The following NXPE2 variants were observed in gnomAD, a reference collection of about 807,000 sequenced individuals.
The protein encoded by NXPE2 is NXPE family member 2.
Under a neutral mutation model 34.4 loss-of-function variants are expected in NXPE2, and 34 were observed. That is an observed-to-expected ratio of 0.99 (90% CI 0.75 to 1.31). The LOEUF is 1.31. Ranked by LOEUF, NXPE2 falls within the 40% of genes most tolerant of loss-of-function variation. The pLI, the probability that NXPE2 is intolerant of heterozygous loss-of-function variation, is 0.00. For synonymous variants in NXPE2, 235 were observed against 231.3 expected (o/e 1.02, Z -0.15); for missense variants, 649 against 672.5 (o/e 0.97, Z 0.39).
At chr11:114,806,544 C>T in the NXPE2 span, among the ~76,000 whole-genome samples, 4 of 152,188 alleles carry the variant, frequency 2.6e-5, no homozygotes, top group African/African-American at 9.6e-5. Context: ...AGCTACATGA[C>T]GAATGCAGAA....
At chr11:114,586,079 A>G in the NXPE2 span, among the ~76,000 whole-genome samples, 11 of 152,170 alleles carry the variant, frequency 7.2e-5, no homozygotes, top group African/African-American at 2.4e-4. Context: ...TGCAAATGTT[A>G]CACCTGGGGT....
chr11:114,767,676 C>T, the NXPE2 span, among the ~76,000 whole-genome samples: 2 of 152,130 alleles, frequency 1.3e-5, no homozygotes, highest in Non-Finnish European at 2.9e-5. Flanking sequence ...AGGATTATGA[C>T]TTGTCCTGTC....
At chr11:114,791,289 G>A in the NXPE2 span, among the ~76,000 whole-genome samples, 1 of 152,132 alleles carries the variant, frequency 6.6e-6, no homozygotes, top group Admixed American at 6.5e-5. Flanking sequence ...TGGTGGTTGT[G>A]GAAGATAAAG....
the NXPE2 span, among the ~76,000 whole-genome samples, chr11:114,641,332 C>T: frequency 1.3e-5 from 2 of 151,930 alleles, no homozygotes; most frequent in Non-Finnish European, 1.5e-5. Flanking sequence ...AGAAGCAATA[C>T]GTTATTTTCA....
chr11:114,752,593 G>A, the NXPE2 span, among the ~76,000 whole-genome samples: 1 of 152,104 alleles, frequency 6.6e-6, no homozygotes, highest in Non-Finnish European at 1.5e-5. Flanking sequence ...AGGGCAGTCA[G>A]GTTCAGGATC....
chr11:114,620,557 C>A, the NXPE2 span, among the ~76,000 whole-genome samples: 1 of 151,900 alleles, frequency 6.6e-6, no homozygotes, highest in East Asian at 1.9e-4. Context: ...TCTAGGGTAA[C>A]CACTGTTACG....
chr11:114,632,350 A>T, the NXPE2 span, among the ~76,000 whole-genome samples: 588 of 134,890 alleles, frequency 4.4e-3, 3 homozygotes, highest in African/African-American at 0.015. Context: ...AATATATAAT[A>T]TATAAATATT....
the NXPE2 span, among the ~76,000 whole-genome samples, chr11:114,810,073 A>G: frequency 2.0e-5 from 3 of 150,216 alleles, no homozygotes; most frequent in African/African-American, 7.3e-5. Context: ...CAAACCTGAC[A>G]AAAACAAGCA....
At chr11:114,586,952 C>T in the NXPE2 span, among the ~76,000 whole-genome samples, 2 of 152,122 alleles carry the variant, frequency 1.3e-5, no homozygotes, top group East Asian at 3.9e-4. Context: ...AGAGGTCCTC[C>T]TTCCCTCCCC....
At chr11:114,725,871 C>T in the NXPE2 span, among the ~76,000 whole-genome samples, 6 of 151,008 alleles carry the variant, frequency 4.0e-5, no homozygotes, top group Admixed American at 6.6e-5. Flanking sequence ...AACTTTATTC[C>T]CCAGTTAAGT....
the NXPE2 span, among the ~76,000 whole-genome samples, chr11:114,740,659 G>A: frequency 2.6e-5 from 4 of 152,086 alleles, no homozygotes; most frequent in African/African-American, 9.7e-5. Context: ...TGAATCAAAT[G>A]TTTTGCATAT....
chr11:114,697,574 C>T (rs1356311507), intron 2 of NXPE2, among the ~76,000 whole-genome samples: 4 of 152,174 alleles, frequency 2.6e-5, no homozygotes, highest in Non-Finnish European at 5.9e-5. Context: ...AAGTAGAGAA[C>T]ACAACCCTTC....
At chr11:114,572,714 T>C in the NXPE2 span, among the ~76,000 whole-genome samples, 1,419 of 152,050 alleles carry the variant, frequency 9.3e-3, 13 homozygotes, top group Non-Finnish European at 0.016. Flanking sequence ...TTTGGGAGTA[T>C]GCTAAATGCC....
chr11:114,783,955 T>G, the NXPE2 span, among the ~76,000 whole-genome samples: 2 of 152,222 alleles, frequency 1.3e-5, no homozygotes, highest in Admixed American at 6.5e-5. Flanking sequence ...TTGATCTTTA[T>G]CTAGCTAGTT....
chr11:114,786,295 G>T, the NXPE2 span, among the ~76,000 whole-genome samples: 25 of 151,704 alleles, frequency 1.6e-4, no homozygotes, highest in African/African-American at 5.5e-4. Flanking sequence ...GGAAACTGAG[G>T]ATTAGAGAGG....
At chr11:114,491,064 A>G in the NXPE2 span, among the ~76,000 whole-genome samples, 1 of 147,492 alleles carries the variant, frequency 6.8e-6, no homozygotes, top group Non-Finnish European at 1.5e-5. Context: ...TGGGAGGCTG[A>G]GACAGGAGAA....
the NXPE2 span, among the ~76,000 whole-genome samples, chr11:114,600,640 A>T: frequency 2.6e-5 from 4 of 152,126 alleles, no homozygotes; most frequent in Non-Finnish European, 5.9e-5. Context: ...AGACATGATG[A>T]CTAAATGCAA....
At chr11:114,702,494 G>A (rs1630838) in intron 3 of NXPE2, among the ~76,000 whole-genome samples, 62,117 of 151,828 alleles carry the variant, frequency 0.41, 13,198 homozygotes, top group South Asian at 0.49. Flanking sequence ...TAGGTCTGAT[G>A]GGATCCTCAG....
At chr11:114,615,055 G>T in the NXPE2 span, among the ~76,000 whole-genome samples, 3 of 151,874 alleles carry the variant, frequency 2.0e-5, no homozygotes, top group Non-Finnish European at 4.4e-5. Flanking sequence ...AATAAGTGTT[G>T]CCTCGTGGGT....
Sources: gnomAD v4.1 joint callset for allele counts (sites outside exome capture counted in the v4.1 genomes callset) on GRCh38, gnomAD v4.1.1 for gene constraint, MANE v1.5 for transcripts, NCBI Gene and HGNC (gene_info 2026-07-23, HGNC 2026-07-21) for gene names.